The following SEPTIN9 variants were observed in gnomAD, a reference collection of about 807,000 sequenced individuals.
SEPTIN9 encodes the protein septin 9.
Under a neutral mutation model 56.6 loss-of-function variants are expected in SEPTIN9, and 13 were observed. That is an observed-to-expected ratio of 0.23 (90% CI 0.15 to 0.37). The LOEUF (loss-of-function observed/expected upper bound fraction) is 0.37, where lower values mean the gene tolerates loss of function less well. Among genes scored for constraint, SEPTIN9 ranks in the 10% least tolerant of loss-of-function variants. The probability of loss-of-function intolerance (pLI) is 1.00; values close to 1 mark genes in which losing one functional copy is unlikely to be tolerated. For missense variants in SEPTIN9, 650 were observed against 823.1 expected, an observed-to-expected ratio of 0.79 and a Z score of 2.57; for synonymous variants, 332 against 334.1, an observed-to-expected ratio of 0.99 and a Z score of 0.07.
In SEPTIN9 at chr17:77,453,558, T is replaced by C. The variant is rs1391299980; in HGVS notation, c.722-28586T>C. Among the ~76,000 whole-genome samples, 2 of 151,610 alleles carry C rather than the reference T, an allele frequency of 1.3e-5. No individual in the cohort carries two copies. The highest frequency in any genetic ancestry group is 2.4e-5 in the African/African-American group (1 of 41,162). On this transcript the variant is annotated intron_variant, in intron 3 of 11. Transcript: ENST00000427177. This position sits in a 1 kb window ranked among gnomAD's most constrained non-coding sequence, Gnocchi z 4.4. Reference sequence around the variant, plus strand: ...AGGTGGAGGTTGCAGTGAGCTGAGATTGTGCTACTGCACTCCAGTCTGGGC... The same window carrying C: ...AGGTGGAGGTTGCAGTGAGCTGAGACTGTGCTACTGCACTCCAGTCTGGGC...
intron 2 of SEPTIN9, among the ~76,000 whole-genome samples, chr17:77,350,391 G>T (rs2034019016): frequency 6.6e-6 from 1 of 152,190 alleles, no homozygotes; most frequent in African/African-American, 2.4e-5. Context: ...GTCCTAGCTG[G>T]GGGGCTACCA....
At chr17:77,292,865 G>A (rs796789676) in intron 1 of SEPTIN9, among the ~76,000 whole-genome samples, 7 of 152,110 alleles carry the variant, frequency 4.6e-5, no homozygotes, top group East Asian at 1.9e-4. Flanking sequence ...CTCGCTCCAC[G>A]TGATCTGTGA....
chr17:77,485,397 GTGCTGA>G (rs1160854762), intron 4 of SEPTIN9, among the ~76,000 whole-genome samples: 3 of 151,292 alleles, frequency 2.0e-5, no homozygotes, highest in East Asian at 1.9e-4. Context: ...GATGGTGCTG[GTGCTGA>G]TGATTGTGAT....
At chr17:77,413,087 CGTGTGT>C (rs3047410) in intron 3 of SEPTIN9, among the ~76,000 whole-genome samples, 6,913 of 143,978 alleles carry the variant, frequency 0.048, 514 homozygotes, top group African/African-American at 0.16. Context: ...GCGGGTGGGG[CGTGTGT>C]GTGTGTGTGT....
Position 77,402,363 on chromosome 17 carries a change from G to A in SEPTIN9, c.381G>A (p.Pro127=), listed in dbSNP as rs376606291. ...TGGAGAACGCCGGGGCCATCGGCCC[G>A]TCCCGGTTCGGGCTCAAGAGGGCCG... is the stretch of plus-strand genomic sequence containing the variant. The part of the protein sequence containing the change: ...KQVENAGAIG[P]SRFGLKRAEV... Residue 127 remains proline (P), a synonymous_variant, in exon 3 of 12, where the codon CCG becomes CCA. Transcript: ENST00000427177. This position sits in a 1 kb window ranked among gnomAD's most constrained non-coding sequence, Gnocchi z 6.6. 40 of 1,612,102 alleles carry A rather than the reference G, an allele frequency of 2.5e-5. No individual in the cohort carries two copies. Among genetic ancestry groups the A allele is most frequent in the Admixed American group, 2.3e-4 (14 of 59,936 alleles).
At position 77,327,476 on chromosome 17, in the gene SEPTIN9, C is replaced by A. The variant is rs1249315800; in HGVS notation, c.76+20279C>A. 6.6e-6 allele frequency among the ~76,000 whole-genome samples: 1 copy of A among 152,190 alleles called. No individual in the cohort carries two copies. Among genetic ancestry groups the A allele is most frequent in the Non-Finnish European group, 1.5e-5 (1 of 68,022 alleles). The stretch of plus-strand genomic sequence containing the variant: ...TGGGGCTGCCTTGGTTCAAGCCCAC[C>A]CTGACTTGGAGCCTGAGGGTCCCTG... On this transcript the variant is annotated intron_variant, in intron 2 of 11. Coordinates refer to ENST00000427177, the MANE Select transcript of SEPTIN9 (RefSeq NM_001113491.2). The surrounding 1 kb of genome is among the most constrained non-coding windows in gnomAD (Gnocchi z 5.0).
At chr17:77,320,045 T>G in intron 2 of SEPTIN9, 1 of 1,371,382 alleles carries the variant, frequency 7.3e-7, no homozygotes, top group Non-Finnish European at 9.4e-7. Flanking sequence ...TGCCTCCTAT[T>G]TTTGGATTTC....
In SEPTIN9 at chr17:77,450,408, C is replaced by T; in HGVS notation, c.722-31736C>T. The T allele has an allele frequency of 5.5e-6, 5 of 904,586 alleles. No individual in the cohort carries two copies. The highest frequency in any genetic ancestry group is 5.3e-6 in the Non-Finnish European group (4 of 756,006). 56.0% of individuals were successfully genotyped at this position (904,586 alleles called of 1,614,324 possible). A position where few individuals can be genotyped will look rare whatever the true frequency, so the allele number is the denominator to read the frequency against. On this transcript the variant is annotated intron_variant, in intron 3 of 11. Transcript: ENST00000427177. This position sits in a 1 kb window ranked among gnomAD's most constrained non-coding sequence, Gnocchi z 6.0. ...TCAGCCCCTGGCCCTCAGAAGGTGT[C>T]ACCAAAGGCTTCTTTCCATTTGAGT...
At chr17:77,415,790 C>T (rs747193059) in intron 3 of SEPTIN9, among the ~76,000 whole-genome samples, 15 of 152,326 alleles carry the variant, frequency 9.8e-5, no homozygotes, top group South Asian at 2.1e-4. Flanking sequence ...GCGAGGTGGA[C>T]GGTGCGGAGG....
Position 77,487,537 on chromosome 17 carries a change from A to G in SEPTIN9, c.1027A>G (p.Lys343Glu). Residue 343 changes from lysine to glutamate, a missense_variant, in exon 5 of 12, where the codon AAG (lysine) becomes GAG (glutamate). Around this residue, in one of 2 missense-constraint regions of SEPTIN9, gnomAD observed 333 missense variants for 494.0 expected, o/e 0.67. Transcript: ENST00000427177. The surrounding 1 kb of genome is among the most constrained non-coding windows in gnomAD (Gnocchi z 4.3). ...GCGCATCCCCAAGACCATCGAGATC[A>G]AGTCCATCACGCACGGTCAGTGGCC... ...EERIPKTIEIKSITHDIEEKG... is the reference protein window; with the variant it reads ...EERIPKTIEIESITHDIEEKG... The G allele has an allele frequency of 6.2e-7, 1 of 1,613,498 alleles. No individual in the cohort carries two copies.
At chr17:77,393,374 A>G (rs1432192256) in intron 2 of SEPTIN9, among the ~76,000 whole-genome samples, 1 of 152,118 alleles carries the variant, frequency 6.6e-6, no homozygotes, top group Non-Finnish European at 1.5e-5. Flanking sequence ...GCACTAGGAA[A>G]GGCTCTGGGT....
At chr17:77,398,999 G>A (rs1014318073) in intron 2 of SEPTIN9, among the ~76,000 whole-genome samples, 2 of 152,158 alleles carry the variant, frequency 1.3e-5, no homozygotes, top group African/African-American at 4.8e-5. Context: ...GTTGGGGACC[G>A]GCACACATGT....
chr17:77,398,353 G>A (rs995966509), intron 2 of SEPTIN9, among the ~76,000 whole-genome samples: 5 of 152,204 alleles, frequency 3.3e-5, no homozygotes, highest in Non-Finnish European at 5.9e-5. Flanking sequence ...TCTGTTCCCG[G>A]GGAGCCGGAA....
At chr17:77,390,378 A>G (rs1266477662) in intron 2 of SEPTIN9, among the ~76,000 whole-genome samples, 2 of 146,076 alleles carry the variant, frequency 1.4e-5, no homozygotes, top group African/African-American at 5.1e-5. Context: ...GAGTAGAGAA[A>G]TCTTTCCCAG....
chr17:77,486,596 A>T (rs985607843), intron 4 of SEPTIN9, among the ~76,000 whole-genome samples: 2 of 150,430 alleles, frequency 1.3e-5, no homozygotes, highest in South Asian at 4.2e-4. Flanking sequence ...TATGTGTAAG[A>T]GGTATGTTTG....
intron 2 of SEPTIN9, chr17:77,320,352 C>T (rs772150189): frequency 6.8e-6 from 11 of 1,611,888 alleles, no homozygotes; most frequent in South Asian, 2.2e-5. Context: ...ATCTCAGGTA[C>T]GCAGACAGCC....
rs1420513033 is a variant in SEPTIN9, at chr17:77,500,537, A to G, written c.*1879A>G. On this transcript the variant is annotated 3_prime_UTR_variant, in exon 12 of 12. Coordinates refer to ENST00000427177, the MANE Select transcript of SEPTIN9 (RefSeq NM_001113491.2). ...CCGAGAAATTTGTCTTTTTGTATAA[A>G]TGACAAAGTGTTGAAAATGTATTTC... 1 of 201,234 alleles carries G rather than the reference A, an allele frequency of 5.0e-6. No homozygotes were observed. Among genetic ancestry groups the G allele is most frequent in the African/African-American group, 2.3e-5 (1 of 43,424 alleles). The allele number at this position is 201,234 out of a possible 1,614,324, so 12.5% of individuals were successfully genotyped here. A position where few individuals can be genotyped will look rare whatever the true frequency, so the allele number is the denominator to read the frequency against.
chr17:77,457,452 G>A (rs894019228), intron 3 of SEPTIN9, among the ~76,000 whole-genome samples: 4 of 152,186 alleles, frequency 2.6e-5, no homozygotes, highest in African/African-American at 9.7e-5. Context: ...CAGTGTGGGA[G>A]GCCCAGAGGT....
At chr17:77,473,666 A>T (rs780803904) in intron 3 of SEPTIN9, among the ~76,000 whole-genome samples, 1 of 152,180 alleles carries the variant, frequency 6.6e-6, no homozygotes, top group Non-Finnish European at 1.5e-5. Flanking sequence ...ACTGTATCAG[A>T]TTGTGAATTC....
Sources: allele counts gnomAD v4.1 joint callset (sites outside exome capture counted in the v4.1 genomes callset), GRCh38; gene constraint gnomAD v4.1.1; regional missense constraint gnomAD v4.1.1; non-coding constraint Gnocchi (gnomAD v3.1); transcripts MANE v1.5; gene names NCBI Gene and HGNC (gene_info 2026-07-23, HGNC 2026-07-21).